INSR: variants seen among roughly 807,000 people sequenced by gnomAD.
INSR encodes the protein insulin receptor.
A neutral mutation model predicts 142.6 loss-of-function variants in INSR; 67 were observed. That is an observed-to-expected ratio of 0.47 (90% CI 0.39 to 0.58). The LOEUF (loss-of-function observed/expected upper bound fraction) is 0.58, where lower values mean the gene tolerates loss of function less well. INSR is among the 20% of genes least tolerant of loss of function. INSR has a pLI of 0.00. For synonymous variants in INSR, 756 were observed against 743.1 expected (o/e 1.02, Z -0.28); for missense variants, 1,248 against 1,833.2 (o/e 0.68, Z 5.83).
chr19:7,163,078 C>T lies in INSR; in HGVS notation c.1983G>A (p.Arg661=), dbSNP rs780136082. Residue 661 remains arginine (R), a synonymous_variant, in exon 9 of 22, where the codon AGG becomes AGA. Coordinates refer to ENST00000302850, the MANE Select transcript of INSR (RefSeq NM_000208.4). ...NITHYLVFWE[R]QAEDSELFEL... ...CGAACAGCTCACTGTCTTCCGCCTG[C>T]CTCTCCCAGAAAACCAGGTAGTGGG... is the stretch of plus-strand genomic sequence containing the variant. 1 of 1,613,892 alleles carries T rather than the reference C, an allele frequency of 6.2e-7. No homozygotes were observed. The highest frequency in any genetic ancestry group is 8.5e-7 in the Non-Finnish European group (1 of 1,180,006).
At chr19:7,272,788 C>T (rs926920431) in intron 1 of INSR, among the ~76,000 whole-genome samples, 1 of 152,088 alleles carries the variant, frequency 6.6e-6, no homozygotes, top group Non-Finnish European at 1.5e-5. Flanking sequence ...CTCTATGTTG[C>T]CCAGGATGCT....
At chr19:7,287,006 C>T (rs1199731932) in intron 1 of INSR, among the ~76,000 whole-genome samples, 3 of 151,784 alleles carry the variant, frequency 2.0e-5, no homozygotes, top group Admixed American at 2.0e-4. Context: ...GCCACCATGC[C>T]CAGCTAATTT....
At chr19:7,268,420 T>C in intron 1 of INSR, 2 of 985,090 alleles carry the variant, frequency 2.0e-6, no homozygotes, top group Non-Finnish European at 2.4e-6. Context: ...TACCTGGGTG[T>C]GGTGAGGGCT....
rs541059984 is a variant in INSR, at chr19:7,168,604, C to A, written c.1484-510G>T. Among the ~76,000 whole-genome samples the A allele has an allele frequency of 6.6e-6, 1 of 152,240 alleles. No individual in the cohort carries two copies. Among genetic ancestry groups the A allele is most frequent in the African/African-American group, 2.4e-5 (1 of 41,538 alleles). On this transcript the variant is annotated intron_variant, in intron 6 of 21. Transcript: ENST00000302850. This position sits in a 1 kb window ranked among gnomAD's most constrained non-coding sequence, Gnocchi z 4.3. ...AAGACAAACCCTCTCCTAAACCTCA[C>A]CCCAACCTCGCTCTCTCTCCTTGCA...
chr19:7,126,603 C>T lies in INSR; in HGVS notation c.2994G>A (p.Glu998=), dbSNP rs771761964. 14 of 1,563,092 alleles carry T rather than the reference C, an allele frequency of 9.0e-6. No individual in the cohort carries two copies. The South Asian group carries it at 1.2e-4, about 13-fold the overall frequency. The change falls in exon 16 of 22, where the codon GAG becomes GAA. Residue 998 remains glutamate, a synonymous_variant. Coordinates refer to ENST00000302850, the MANE Select transcript of INSR (RefSeq NM_000208.4). ...ACTCACCATCACTGGCACTGAGATACTCAGGGTTTGAAGAAGCGTAAAGCG... is the reference window on the plus strand; with the variant it reads ...ACTCACCATCACTGGCACTGAGATATTCAGGGTTTGAAGAAGCGTAAAGCG... ...LGPLYASSNP[E]YLSASDVFPC...
chr19:7,217,442 T>C (rs1054414854), intron 2 of INSR, among the ~76,000 whole-genome samples: 1 of 152,292 alleles, frequency 6.6e-6, no homozygotes, highest in East Asian at 1.9e-4. Flanking sequence ...GGGATTACGA[T>C]GTGGGCATCT....
At chr19:7,233,799 C>A (rs966364928) in intron 2 of INSR, among the ~76,000 whole-genome samples, 2 of 151,212 alleles carry the variant, frequency 1.3e-5, no homozygotes, top group Non-Finnish European at 2.9e-5. Flanking sequence ...CCTCAGCCTC[C>A]TGAGCAGCTG....
At chr19:7,141,210 C>G (rs1455294113) in intron 13 of INSR, among the ~76,000 whole-genome samples, 1 of 152,072 alleles carries the variant, frequency 6.6e-6, no homozygotes, top group African/African-American at 2.4e-5. Context: ...CACCCACCAC[C>G]ACGCCTGGCT....
chr19:7,217,057 T>C (rs569383051), intron 2 of INSR, among the ~76,000 whole-genome samples: 31 of 149,266 alleles, frequency 2.1e-4, no homozygotes, highest in Middle Eastern at 3.4e-3. Flanking sequence ...GGTCTCAAAC[T>C]CCTAGCCTCA....
chr19:7,283,403 A>G (rs7254060), intron 1 of INSR, among the ~76,000 whole-genome samples: 118,533 of 151,936 alleles, frequency 0.78, 49,436 homozygotes, highest in Non-Finnish European at 0.94. Context: ...CATTCAAAGG[A>G]TTCTAAACGG....
chr19:7,122,008 T>G (rs533254830), intron 19 of INSR, among the ~76,000 whole-genome samples: 1 of 152,142 alleles, frequency 6.6e-6, no homozygotes, highest in Non-Finnish European at 1.5e-5. Context: ...CTGGGTGTGG[T>G]GGCGCACGCC....
At chr19:7,280,911 AAAAG>A (rs764256654) in intron 1 of INSR, among the ~76,000 whole-genome samples, 1 of 152,046 alleles carries the variant, frequency 6.6e-6, no homozygotes, top group Non-Finnish European at 1.5e-5. Flanking sequence ...AAAAAAAGAA[AAAAG>A]AAAGAAAGAG....
rs1968572508 is a variant in INSR at position 7,294,006 on chromosome 19, C to G, written c.-115G>C. 1.9e-6 allele frequency: 2 copies of G among 1,063,930 alleles called. No homozygotes were observed. Among genetic ancestry groups the G allele is most frequent in the African/African-American group, 3.4e-5 (2 of 59,304 alleles). The allele number at this position is 1,063,930 out of a possible 1,614,324, so 65.9% of individuals were successfully genotyped here. A position where few individuals can be genotyped will look rare whatever the true frequency, so the allele number is the denominator to read the frequency against. ...GGGGGCCGCGCGTCCTTCTCTTCCACGCCCGCGACCCGCGGGCCGCAGCCC... is the reference window on the plus strand; with the variant it reads ...GGGGGCCGCGCGTCCTTCTCTTCCAGGCCCGCGACCCGCGGGCCGCAGCCC... On this transcript the variant is annotated 5_prime_UTR_variant, in exon 1 of 22. Transcript: ENST00000302850.
chr19:7,128,777 T>A, intron 15 of INSR, 75 bp downstream of exon 15: 1 of 962,222 alleles, frequency 1.0e-6, no homozygotes, highest in Admixed American at 1.7e-5. Flanking sequence ...TAAATATGCC[T>A]ATACCTATAT....
At position 7,192,985 on chromosome 19, in the gene INSR, C is replaced by T. The variant is rs1974641953; in HGVS notation, c.653-8348G>A. On this transcript the variant is annotated intron_variant, in intron 2 of 21. Transcript: ENST00000302850. This position sits in a 1 kb window ranked among gnomAD's most constrained non-coding sequence, Gnocchi z 4.2. Reference sequence around the variant, plus strand: ...GACCCTCCCCAAGAAAGACAATGTCCCCACTAAAGGACCCCTTCCCTAGAC... The same window carrying T: ...GACCCTCCCCAAGAAAGACAATGTCTCCACTAAAGGACCCCTTCCCTAGAC... 6.6e-6 allele frequency among the ~76,000 whole-genome samples: 1 copy of T among 152,140 alleles called. No homozygotes were observed. Among genetic ancestry groups the T allele is most frequent in the Non-Finnish European group, 1.5e-5 (1 of 68,032 alleles).
At position 7,133,628 on chromosome 19, in the gene INSR, G is replaced by A. The variant is rs559084451; in HGVS notation, c.2683-1311C>T. On this transcript the variant is annotated intron_variant, in intron 13 of 21. Transcript: ENST00000302850. ...TGTAATCCCAATACTTTGGGAGGCC[G>A]AGGTGGGCGGATCACCTGAGGTCAG... is the stretch of plus-strand genomic sequence containing the variant. Among the ~76,000 whole-genome samples, 6 of 152,290 alleles carry A rather than the reference G, an allele frequency of 3.9e-5. No homozygotes were observed. The East Asian group carries it at 9.7e-4, about 25-fold the overall frequency.
chr19:7,183,870 C>T (rs1974339232), intron 3 of INSR, among the ~76,000 whole-genome samples: 1 of 151,920 alleles, frequency 6.6e-6, no homozygotes, highest in African/African-American at 2.4e-5. Context: ...ACCAGCCTGA[C>T]CAACATGGCG....
In INSR at chr19:7,201,518, G is replaced by A. The variant is rs972917720; in HGVS notation, c.653-16881C>T. Among the ~76,000 whole-genome samples the A allele has an allele frequency of 4.0e-5, 6 of 151,212 alleles. 1 individual carries two copies. Among genetic ancestry groups the A allele is most frequent in the South Asian group, 4.2e-4 (2 of 4,768 alleles). ...TGGGCGCCTGTAATCCCAGCTACTC[G>A]GGAGGCTGAGGCAGGAGAATCGCTT... On this transcript the variant is annotated intron_variant, in intron 2 of 21. Transcript: ENST00000302850.
chr19:7,158,323 A>AC (rs1208358456), intron 9 of INSR, among the ~76,000 whole-genome samples: 1 of 151,844 alleles, frequency 6.6e-6, no homozygotes, highest in South Asian at 2.1e-4. Context: ...ACATGGTGAA[A>AC]CCCCGTCTCT....
Sources: gnomAD v4.1 joint callset for allele counts (sites outside exome capture counted in the v4.1 genomes callset) on GRCh38, gnomAD v4.1.1 for gene constraint, Gnocchi (gnomAD v3.1) non-coding constraint, MANE v1.5 for transcripts, NCBI Gene and HGNC (gene_info 2026-07-23, HGNC 2026-07-21) for gene names.